Variants in NDOR1 observed in about 807,000 individuals in gnomAD.
NDOR1 encodes the protein NADPH dependent diflavin oxidoreductase 1, also known as NADPH-dependent diflavin oxidoreductase 1.
A neutral mutation model predicts 67.2 loss-of-function variants in NDOR1; 61 were observed. The observed-to-expected ratio is 0.91, with a 90% CI of 0.74 to 1.12. NDOR1 has a LOEUF of 1.12. NDOR1 is among the 50% of genes most tolerant of loss of function. The pLI, the probability that NDOR1 is intolerant of heterozygous loss-of-function variation, is 0.00. For synonymous variants in NDOR1, 378 were observed against 343.7 expected (o/e 1.10, Z -1.10); for missense variants, 878 against 802.8 (o/e 1.09, Z -1.13).
chr9:137,216,220 C>T lies in NDOR1; in HGVS notation c.1649+32C>T, dbSNP rs773584623. The T allele has an allele frequency of 1.2e-5, 19 of 1,612,932 alleles. No individual in the cohort carries two copies. The South Asian group carries it at 1.6e-4, about 14-fold the overall frequency. ...TGGCCTGCGTGCAGCAGGAGTGGGC[C>T]CAGCCCCTGAGTGCCAGGCCTCATT... On this transcript the variant is annotated intron_variant, in intron 13 of 13. Transcript: ENST00000684003.
In NDOR1 at chr9:137,213,840, C is replaced by A. The variant is rs756939377; in HGVS notation, c.372C>A (p.Leu124=). Reference sequence around the variant, plus strand: ...TACTGCAGCTTGGGGGCAGCGCCCTCCTGCCCGTGTGCCTGGGCGATGACC... The same window carrying A: ...TACTGCAGCTTGGGGGCAGCGCCCTACTGCCCGTGTGCCTGGGCGATGACC... The part of the protein sequence containing the change: ...RRLLQLGGSA[L]LPVCLGDDQH... Residue 124 remains leucine (L), a synonymous_variant, in exon 4 of 14, where the codon CTC becomes CTA. Transcript: ENST00000684003. 1 of 1,611,650 alleles carries A rather than the reference C, an allele frequency of 6.2e-7. No homozygotes were observed. The highest frequency in any genetic ancestry group is 8.5e-7 in the Non-Finnish European group (1 of 1,179,344).
chr9:137,216,151 C>G lies in NDOR1; in HGVS notation c.1612C>G (p.Leu538Val). 1 of 1,613,632 alleles carries G rather than the reference C, an allele frequency of 6.2e-7. No individual in the cohort carries two copies. Among genetic ancestry groups the G allele is most frequent in the Non-Finnish European group, 8.5e-7 (1 of 1,180,026 alleles). ...GGAGCTGGGGTCGCTTGTGTGGGAA[C>G]TGCTGGACCGCCAGGGTGCATACTT... is the stretch of plus-strand genomic sequence containing the variant. ...LRELGSLVWE[L>V]LDRQGAYFYL... Residue 538 changes from leucine to valine, a missense_variant, in exon 13 of 14, where the codon CTG becomes GTG. Transcript: ENST00000684003.
In NDOR1 at chr9:137,218,236, C is replaced by T. The variant is rs1835724278; in HGVS notation, c.*1820C>T. On this transcript the variant is annotated 3_prime_UTR_variant, in exon 14 of 14. Coordinates refer to ENST00000684003, the MANE Select transcript of NDOR1 (RefSeq NM_014434.4). ...GCCCGCTGTGCCGCCAGAAGACGCC[C>T]GTGCTGGAATGGGAGATCTGCCGGC... 7 of 398,236 alleles carry T rather than the reference C, an allele frequency of 1.8e-5. No individual in the cohort carries two copies. In the East Asian group the frequency reaches 1.8e-4, roughly 10 times the overall value. 24.7% of individuals were successfully genotyped at this position (398,236 alleles called of 1,614,324 possible). A position where few individuals can be genotyped will look rare whatever the true frequency, so the allele number is the denominator to read the frequency against.
rs760157574 is a variant in NDOR1, at chr9:137,215,434, G to A, written c.1201G>A (p.Val401Met). The change falls in exon 10 of 14, where the codon GTG (valine) becomes ATG (methionine). Residue 401 changes from valine to methionine, a missense_variant. Val to Met is a conservative substitution (Grantham distance 21). Coordinates refer to ENST00000684003, the MANE Select transcript of NDOR1 (RefSeq NM_014434.4). ...LTHPSRLQIL[V>M]AVVQFQTRLK... ...TCACCCCTCACGGCTGCAGATCCTC[G>A]TGGCTGTAGTGCAGTTCCAGACTCG... The A allele has an allele frequency of 2.2e-5, 36 of 1,612,570 alleles. No individual in the cohort carries two copies. In the South Asian group the frequency reaches 2.6e-4, roughly 12 times the overall value.
At position 137,214,886 on chromosome 9, in the gene NDOR1, C is replaced by A; in HGVS notation, c.933C>A (p.Arg311=). 2 of 1,612,128 alleles carry A rather than the reference C, an allele frequency of 1.2e-6. No homozygotes were observed. Among genetic ancestry groups the A allele is most frequent in the Non-Finnish European group, 8.5e-7 (1 of 1,180,038 alleles). ...HYLDIASVPR[R]SFFELLACLS... ...TGGACATCGCCAGCGTGCCTCGCCGCTCCTTCTTCGAACTCCTGGCCTGTC... is the reference window on the plus strand; with the variant it reads ...TGGACATCGCCAGCGTGCCTCGCCGATCCTTCTTCGAACTCCTGGCCTGTC... Residue 311 remains arginine, a synonymous_variant, in exon 8 of 14, where the codon CGC becomes CGA. Coordinates refer to ENST00000684003, the MANE Select transcript of NDOR1 (RefSeq NM_014434.4).
At chr9:137,206,369 T>C (rs1290503797) in intron 2 of NDOR1, 60 bp downstream of exon 2, 11 of 1,543,404 alleles carry the variant, frequency 7.1e-6, no homozygotes, top group Non-Finnish European at 9.0e-7. Flanking sequence ...CCCGTTTTCA[T>C]TGCCTGGCGT....
rs992784275 is a variant in NDOR1 at position 137,215,640 on chromosome 9, C to T, written c.1289-19C>T. The T allele has an allele frequency of 5.1e-6, 8 of 1,576,974 alleles. No individual in the cohort carries two copies. In the South Asian group the frequency reaches 9.3e-5, roughly 18 times the overall value. Reference sequence around the variant, plus strand: ...CACAGGTCTTTGATCCTCTTCATGCCACCTCCTTCCTGCAATAGGACCTGT... The same window carrying T: ...CACAGGTCTTTGATCCTCTTCATGCTACCTCCTTCCTGCAATAGGACCTGT... On this transcript the variant is annotated intron_variant, in intron 10 of 13. Transcript: ENST00000684003.
Position 137,217,090 on chromosome 9 carries a change from A to G in NDOR1, c.*674A>G, listed in dbSNP as rs1014874469. 9 of 180,632 alleles carry G rather than the reference A, an allele frequency of 5.0e-5. No homozygotes were observed. Among genetic ancestry groups the G allele is most frequent in the Non-Finnish European group, 1.0e-4 (9 of 87,944 alleles). The allele number at this position is 180,632 out of a possible 1,614,324, so 11.2% of individuals were successfully genotyped here. A position where few individuals can be genotyped will look rare whatever the true frequency, so the allele number is the denominator to read the frequency against. On this transcript the variant is annotated 3_prime_UTR_variant, in exon 14 of 14. Transcript: ENST00000684003. ...GGTGCTGGATGGATGGGCGTCCTCT[A>G]GCTCCTCCCGGTGCCCTGGGTGCTG...
At position 137,214,823 on chromosome 9, in the gene NDOR1, C is replaced by G. The variant is rs368915747; in HGVS notation, c.870C>G (p.Pro290=). Residue 290 remains proline, a synonymous_variant, in exon 8 of 14, where the codon CCC becomes CCG. Transcript: ENST00000684003. ...ATGTCTCCTCCCCCACGAGGCTGCC[C>G]CAGCCCTGCTCCATGCGGCACCTCG... ...EPDVSSPTRL[P]QPCSMRHLVS... 2 of 1,606,934 alleles carry G rather than the reference C, an allele frequency of 1.2e-6. No homozygotes were observed. The highest frequency in any genetic ancestry group is 1.3e-5 in the African/African-American group (1 of 74,918).
rs1835490248 is a variant in NDOR1, at chr9:137,215,164, A to C, written c.1135A>C (p.Ile379Leu). The C allele has an allele frequency of 9.3e-6, 15 of 1,613,364 alleles. No individual in the cohort carries two copies. The highest frequency in any genetic ancestry group is 1.3e-5 in the Non-Finnish European group (15 of 1,179,936). ...PDYLLDLIPV[I>L]RPRAFSIASS... ...CTACCTGTTGGACCTCATCCCCGTT[A>C]TCCGGCCGAGGGCCTTCTCCATCGC... is the stretch of plus-strand genomic sequence containing the variant. The change falls in exon 9 of 14, where the codon ATC becomes CTC. Residue 379 changes from isoleucine (I) to leucine (L), a missense_variant. Coordinates refer to ENST00000684003, the MANE Select transcript of NDOR1 (RefSeq NM_014434.4).
At chr9:137,208,269 G>A (rs1294280849) in intron 2 of NDOR1, among the ~76,000 whole-genome samples, 1 of 151,380 alleles carries the variant, frequency 6.6e-6, no homozygotes, top group Non-Finnish European at 1.5e-5. Context: ...CTAACACGGT[G>A]TGAAACCTCG....
In NDOR1 at chr9:137,216,434, G is replaced by T; in HGVS notation, c.*18G>T. 2 of 1,589,184 alleles carry T rather than the reference G, an allele frequency of 1.3e-6. No homozygotes were observed. The highest frequency in any genetic ancestry group is 1.7e-6 in the Non-Finnish European group (2 of 1,171,256). On this transcript the variant is annotated 3_prime_UTR_variant, in exon 14 of 14. Coordinates refer to ENST00000684003, the MANE Select transcript of NDOR1 (RefSeq NM_014434.4). The stretch of plus-strand genomic sequence containing the variant: ...GGGCCTGAGGCCCGCGGCTGCCCGT[G>T]CCCCCTCTGACAGCCATCCTCCTGG...
rs375100594 is a variant in NDOR1 at position 137,214,874 on chromosome 9, C to A, written c.921C>A (p.Ser307Arg). ...HLVSHYLDIA[S>R]VPRRSFFELL... ...TGTCCCACTACCTGGACATCGCCAGCGTGCCTCGCCGCTCCTTCTTCGAAC... is the reference window on the plus strand; with the variant it reads ...TGTCCCACTACCTGGACATCGCCAGAGTGCCTCGCCGCTCCTTCTTCGAAC... The change falls in exon 8 of 14, where the codon AGC becomes AGA. Residue 307 changes from serine (S) to arginine (R), a missense_variant. Ser to Arg is a moderately radical substitution (Grantham distance 110). Coordinates refer to ENST00000684003, the MANE Select transcript of NDOR1 (RefSeq NM_014434.4). The A allele has an allele frequency of 8.7e-6, 14 of 1,611,140 alleles. No individual in the cohort carries two copies. Among genetic ancestry groups the A allele is most frequent in the African/African-American group, 1.3e-5 (1 of 74,958 alleles).
In NDOR1 at chr9:137,213,768, C is replaced by T. The variant is rs1420217085; in HGVS notation, c.312-12C>T. 1.2e-6 allele frequency: 2 copies of T among 1,611,922 alleles called. No individual in the cohort carries two copies. Among genetic ancestry groups the T allele is most frequent in the Non-Finnish European group, 1.7e-6 (2 of 1,179,330 alleles). Reference sequence around the variant, plus strand: ...GGGCTCCAGCCCAGGACCAGCCTCACTGTCTCCACAGGTTCAACTTCGTGG... The same window carrying T: ...GGGCTCCAGCCCAGGACCAGCCTCATTGTCTCCACAGGTTCAACTTCGTGG... On this transcript the variant is annotated splice_polypyrimidine_tract_variant and intron_variant, in intron 3 of 13. Coordinates refer to ENST00000684003, the MANE Select transcript of NDOR1 (RefSeq NM_014434.4).
rs11526461 is a variant in NDOR1, at chr9:137,216,819, C to T, written c.*403C>T. The stretch of plus-strand genomic sequence containing the variant: ...GCACTCCTCTGCCCTGGGGCCACCT[C>T]GGCTGCTGCAGCCTGCCCAGCAGCA... On this transcript the variant is annotated 3_prime_UTR_variant, in exon 14 of 14. Coordinates refer to ENST00000684003, the MANE Select transcript of NDOR1 (RefSeq NM_014434.4). 4.6e-3 allele frequency: 1,085 copies of T among 234,072 alleles called. 19 individuals are homozygous for T. Among genetic ancestry groups the T allele is most frequent in the East Asian group, 0.035 (282 of 8,006 alleles). The allele number at this position is 234,072 out of a possible 1,614,324, so 14.5% of individuals were successfully genotyped here.
intron 2 of NDOR1, 32 bp downstream of exon 2, chr9:137,206,341 C>T: frequency 6.2e-7 from 1 of 1,609,308 alleles, no homozygotes; most frequent in Non-Finnish European, 8.5e-7. Context: ...TCCTCAGATC[C>T]CTGCCCTCGA....
chr9:137,208,979 C>T (rs533050303), intron 2 of NDOR1, among the ~76,000 whole-genome samples: 96 of 152,248 alleles, frequency 6.3e-4, no homozygotes, highest in African/African-American at 2.1e-3. Flanking sequence ...CTCCCGGGTT[C>T]GCGCCATTCT....
At position 137,213,210 on chromosome 9, in the gene NDOR1, C is replaced by T. The variant is rs143574388; in HGVS notation, c.312-570C>T. 3.8e-4 allele frequency among the ~76,000 whole-genome samples: 58 copies of T among 152,314 alleles called. No individual in the cohort carries two copies. The East Asian group carries it at 0.01, about 27-fold the overall frequency. On this transcript the variant is annotated intron_variant, in intron 3 of 13. Transcript: ENST00000684003. ...CCGGGAGGTTTTGTTCCGTGCGTGACGTAGGTCCGTGCATGACGTTGTTTC... is the reference window on the plus strand; with the variant it reads ...CCGGGAGGTTTTGTTCCGTGCGTGATGTAGGTCCGTGCATGACGTTGTTTC...
Position 137,218,060 on chromosome 9 carries a change from G to C in NDOR1, c.*1644G>C. 1 of 399,440 alleles carries C rather than the reference G, an allele frequency of 2.5e-6. No homozygotes were observed. 24.7% of individuals were successfully genotyped at this position (399,440 alleles called of 1,614,324 possible). ...GGGGAGAGAGCAGGCAGCAGGGCAG[G>C]GGGAAGAGGAGGAGTGCCCGATCTG... On this transcript the variant is annotated 3_prime_UTR_variant, in exon 14 of 14. Coordinates refer to ENST00000684003, the MANE Select transcript of NDOR1 (RefSeq NM_014434.4).
Sources: allele counts gnomAD v4.1 joint callset (sites outside exome capture counted in the v4.1 genomes callset), GRCh38; gene constraint gnomAD v4.1.1; transcripts MANE v1.5; gene names NCBI Gene and HGNC (gene_info 2026-07-23, HGNC 2026-07-21).